AQP9: variants seen among roughly 807,000 people sequenced by gnomAD.
The protein encoded by AQP9 is aquaporin-9.
In AQP9, 19 loss-of-function variants were observed where a neutral mutation model predicts 23.8. That is an observed-to-expected ratio of 0.80 (90% CI 0.56 to 1.17). The LOEUF (loss-of-function observed/expected upper bound fraction) is 1.17. Among genes scored for constraint, AQP9 ranks in the 50% most tolerant of loss-of-function variants. The pLI, the probability that AQP9 is intolerant of heterozygous loss-of-function variation, is 0.00. For synonymous variants in AQP9, 153 were observed against 131.5 expected (o/e 1.16, Z -1.12); for missense variants, 413 against 362.0 (o/e 1.14, Z -1.14).
At chr15:58,158,212 C>G (rs1898303520) in intron 1 of AQP9, among the ~76,000 whole-genome samples, 1 of 152,134 alleles carries the variant, frequency 6.6e-6, no homozygotes, top group African/African-American at 2.4e-5. Flanking sequence ...TATTCCACAT[C>G]CTATGGAAAA....
At chr15:58,145,380 G>C (rs1355393492) in intron 1 of AQP9, among the ~76,000 whole-genome samples, 1 of 151,826 alleles carries the variant, frequency 6.6e-6, no homozygotes, top group Non-Finnish European at 1.5e-5. Context: ...GTGTGCACCT[G>C]TAATCCCAGC....
intron 1 of AQP9, among the ~76,000 whole-genome samples, chr15:58,142,411 C>T (rs1314381230): frequency 2.0e-5 from 3 of 152,156 alleles, no homozygotes; most frequent in Non-Finnish European, 2.9e-5. Context: ...ACAAAGTTTA[C>T]AGTTTAAAAT....
chr15:58,177,335 A>G (rs1303096796), intron 4 of AQP9, among the ~76,000 whole-genome samples: 2 of 152,212 alleles, frequency 1.3e-5, no homozygotes, highest in Admixed American at 6.5e-5. Flanking sequence ...CTGAGGCTCA[A>G]TCTAACAAGT....
chr15:58,147,473 G>A (rs193157008), intron 1 of AQP9, among the ~76,000 whole-genome samples: 184 of 152,302 alleles, frequency 1.2e-3, no homozygotes, highest in Admixed American at 8.3e-3. Flanking sequence ...CAGGATTGCT[G>A]AGTTCACTGA....
At chr15:58,176,408 C>G (rs1488473306) in intron 4 of AQP9, among the ~76,000 whole-genome samples, 2 of 151,944 alleles carry the variant, frequency 1.3e-5, no homozygotes, top group Non-Finnish European at 2.9e-5. Context: ...GTCCCAGCAA[C>G]TTGGGAGGCT....
At chr15:58,150,143 A>G (rs1268980615) in intron 1 of AQP9, 1 of 152,710 alleles carries the variant, frequency 6.5e-6, no homozygotes, top group Non-Finnish European at 1.5e-5. Flanking sequence ...AGTTGCAGGG[A>G]AATGGATAGC....
intron 4 of AQP9, among the ~76,000 whole-genome samples, chr15:58,178,731 T>A (rs746977493): frequency 6.6e-5 from 10 of 152,228 alleles, no homozygotes; most frequent in Non-Finnish European, 1.3e-4. Flanking sequence ...TCACATTGCT[T>A]TTCTCACCAA....
intron 2 of AQP9, 114 bp downstream of exon 2, chr15:58,166,913 G>T (rs1490047411): frequency 1.3e-5 from 17 of 1,347,214 alleles, no homozygotes; most frequent in Non-Finnish European, 1.7e-5. Context: ...TCCTGCAAGA[G>T]TGTGTATTGG....
Position 58,174,993 on chromosome 15 carries a change from AC to A in AQP9, c.455del (p.Pro152GlnfsTer19). The A allele has an allele frequency of 6.2e-7, 1 of 1,614,206 alleles. No individual in the cohort carries two copies. Among genetic ancestry groups the A allele is most frequent in the South Asian group, 1.1e-5 (1 of 91,086 alleles). The stretch of plus-strand genomic sequence containing the variant: ...GCAACAGCACACATTTTTGCAACAT[AC>A]CCAGCTCCGTATCTATCTCTGGCGA... ...ENATAHIFAT[Y>X]PAPYLSLANA... On this transcript the variant is annotated frameshift_variant, in exon 4 of 6. Transcript: ENST00000219919. LOFTEE classifies it high-confidence loss of function.
chr15:58,144,072 T>G (rs1438042535), intron 1 of AQP9, among the ~76,000 whole-genome samples: 7 of 152,238 alleles, frequency 4.6e-5, no homozygotes, highest in Admixed American at 4.6e-4. Context: ...TCAATTCCAG[T>G]GCAGTGATTA....
intron 1 of AQP9, among the ~76,000 whole-genome samples, chr15:58,157,260 G>A (rs964198790): frequency 6.6e-6 from 1 of 152,174 alleles, no homozygotes; most frequent in African/African-American, 2.4e-5. Context: ...ATGTTCTTGG[G>A]TCATGTTGCT....
chr15:58,158,905 C>T (rs1898317241), intron 1 of AQP9, among the ~76,000 whole-genome samples: 1 of 152,208 alleles, frequency 6.6e-6, no homozygotes, highest in African/African-American at 2.4e-5. Context: ...AATTCCTAAA[C>T]TTCATTAACT....
chr15:58,174,438 AT>A (rs1898693760), intron 3 of AQP9, among the ~76,000 whole-genome samples: 1 of 152,238 alleles, frequency 6.6e-6, no homozygotes, highest in Non-Finnish European at 1.5e-5. Context: ...TGTGGCAAGA[AT>A]GGCCTGGGGT....
intron 1 of AQP9, chr15:58,151,794 C>G (rs1898155396): frequency 6.6e-6 from 1 of 152,060 alleles, no homozygotes; most frequent in African/African-American, 2.4e-5. Context: ...CTCCCCAAAG[C>G]CCACGTGGAA....
At chr15:58,140,272 C>T (rs1177879093) in intron 1 of AQP9, among the ~76,000 whole-genome samples, 1 of 151,670 alleles carries the variant, frequency 6.6e-6, no homozygotes, top group Non-Finnish European at 1.5e-5. Flanking sequence ...TTCATAATCC[C>T]GTGCTTTCTG....
In AQP9 at chr15:58,175,544, C is replaced by G. The variant is rs1898733003; in HGVS notation, c.495+508C>G. Among the ~76,000 whole-genome samples the G allele has an allele frequency of 2.6e-5, 4 of 152,324 alleles. No homozygotes were observed. In the South Asian group the frequency reaches 8.3e-4, roughly 32 times the overall value. On this transcript the variant is annotated intron_variant, in intron 4 of 5. Coordinates refer to ENST00000219919, the MANE Select transcript of AQP9 (RefSeq NM_020980.5). ...GACCTTTAAACAAGCTTCTAGCACC[C>G]AAGCATACTGTGGTGTAACCAATAG...
At chr15:58,150,175 C>A (rs1898122466) in intron 1 of AQP9, 2 of 152,640 alleles carry the variant, frequency 1.3e-5, no homozygotes, top group African/African-American at 4.8e-5. Context: ...CTCAGAGGGG[C>A]ATTTGCCATT....
At chr15:58,173,543 G>C (rs541953761) in intron 3 of AQP9, among the ~76,000 whole-genome samples, 32 of 152,238 alleles carry the variant, frequency 2.1e-4, no homozygotes, top group African/African-American at 7.7e-4. Context: ...GGTGTTTTCT[G>C]GTGACAAAGG....
At chr15:58,161,127 T>C (rs1382944550) in intron 1 of AQP9, among the ~76,000 whole-genome samples, 1 of 151,932 alleles carries the variant, frequency 6.6e-6, no homozygotes, top group East Asian at 1.9e-4. Flanking sequence ...GGTCTCTGGA[T>C]GGGGAGAGAC....
Sources: allele counts gnomAD v4.1 joint callset (sites outside exome capture counted in the v4.1 genomes callset), GRCh38; gene constraint gnomAD v4.1.1; transcripts MANE v1.5; gene names NCBI Gene and HGNC (gene_info 2026-07-23, HGNC 2026-07-21).